The following LRRTM3 variants were observed in gnomAD, a reference collection of about 807,000 sequenced individuals.
LRRTM3 encodes leucine rich repeat transmembrane neuronal 3.
A neutral mutation model predicts 44.7 loss-of-function variants in LRRTM3; 24 were observed. The observed-to-expected ratio is 0.54, with a 90% CI of 0.39 to 0.76. The LOEUF (loss-of-function observed/expected upper bound fraction) is 0.76, where lower values mean the gene tolerates loss of function less well. Ranked by LOEUF, LRRTM3 falls within the 30% of genes least tolerant of loss-of-function variation. The probability of loss-of-function intolerance (pLI) is 0.00; values close to 1 mark genes in which losing one functional copy is unlikely to be tolerated. For missense variants in LRRTM3, 587 were observed against 702.2 expected, an observed-to-expected ratio of 0.84 and a Z score of 1.85; for synonymous variants, 277 against 278.7, an observed-to-expected ratio of 0.99 and a Z score of 0.06.
At chr10:66,996,649 C>CGAAAAAAAAAAAAA (rs71468809) in intron 2 of LRRTM3, among the ~76,000 whole-genome samples, 1 of 67,644 alleles carries the variant, frequency 1.5e-5, no homozygotes, top group Non-Finnish European at 2.5e-5. Context: ...TCCGTCTCTA[C>CGAAAAAAAAAAAAA]AAAAAAAAAA....
intron 2 of LRRTM3, among the ~76,000 whole-genome samples, chr10:66,956,583 T>C (rs1848803566): frequency 6.6e-6 from 1 of 152,164 alleles, no homozygotes; most frequent in South Asian, 2.1e-4. Flanking sequence ...TCCAGTGAAA[T>C]GTTCTCTGCA....
At chr10:67,058,848 A>G (rs1245816274) in intron 2 of LRRTM3, among the ~76,000 whole-genome samples, 1 of 152,184 alleles carries the variant, frequency 6.6e-6, no homozygotes, top group Non-Finnish European at 1.5e-5. Context: ...TTAGACACAT[A>G]TCAATTTCTA....
intron 2 of LRRTM3, among the ~76,000 whole-genome samples, chr10:66,945,445 G>C (rs1848226680): frequency 6.6e-6 from 1 of 152,104 alleles, no homozygotes; most frequent in South Asian, 2.1e-4. Context: ...GAATTGAAAG[G>C]ATCTAGGGCT....
Position 66,980,333 on chromosome 10 carries a change from C to T in LRRTM3, c.1536+51881C>T, listed in dbSNP as rs151246483. ...TTCTTTCAGCAGCCAAACACTAGGG[C>T]GAGGAAATGCTTACTGTCTGCTTGC... On this transcript the variant is annotated intron_variant, in intron 2 of 2. Transcript: ENST00000361320. Among the ~76,000 whole-genome samples, 12 of 152,202 alleles carry T rather than the reference C, an allele frequency of 7.9e-5. No homozygotes were observed. The East Asian group carries it at 1.9e-3, about 25-fold the overall frequency.
At chr10:67,009,267 T>C (rs1483874864) in intron 2 of LRRTM3, among the ~76,000 whole-genome samples, 3 of 152,126 alleles carry the variant, frequency 2.0e-5, no homozygotes, top group Admixed American at 2.0e-4. Flanking sequence ...CTTTTCCACA[T>C]CTTTCATCTT....
chr10:66,998,075 C>T (rs1293707909), intron 2 of LRRTM3, among the ~76,000 whole-genome samples: 4 of 152,180 alleles, frequency 2.6e-5, no homozygotes, highest in African/African-American at 9.6e-5. Context: ...TCTTCTACAA[C>T]AATTGTAATT....
intron 2 of LRRTM3, among the ~76,000 whole-genome samples, chr10:66,965,366 C>T (rs183555222): frequency 9.2e-5 from 14 of 151,890 alleles, no homozygotes; most frequent in African/African-American, 3.4e-4. Context: ...GAAACCCTGT[C>T]TCTACTAAAA....
chr10:66,931,323 A>G (rs139631764), intron 2 of LRRTM3, among the ~76,000 whole-genome samples: 59 of 152,190 alleles, frequency 3.9e-4, no homozygotes, highest in Non-Finnish European at 7.2e-4. Flanking sequence ...CATTTTTATT[A>G]ACCCCAGTAC....
chr10:67,059,870 T>G (rs1165196813), intron 2 of LRRTM3, among the ~76,000 whole-genome samples: 2 of 152,214 alleles, frequency 1.3e-5, no homozygotes, highest in African/African-American at 4.8e-5. Context: ...TTAAGTCATT[T>G]TGCAATGAAG....
chr10:66,953,784 ATTTT>A (rs533911839), intron 2 of LRRTM3, among the ~76,000 whole-genome samples: 2 of 152,098 alleles, frequency 1.3e-5, no homozygotes, highest in African/African-American at 4.8e-5. Context: ...TATAAGTTTT[ATTTT>A]TTTAAAAATT....
At chr10:67,060,715 A>G (rs1397924227) in intron 2 of LRRTM3, among the ~76,000 whole-genome samples, 1 of 152,110 alleles carries the variant, frequency 6.6e-6, no homozygotes, top group Non-Finnish European at 1.5e-5. Context: ...GAGTCTAGGC[A>G]TCATTCCAGA....
intron 2 of LRRTM3, among the ~76,000 whole-genome samples, chr10:66,949,870 T>C (rs911613595): frequency 5.9e-5 from 9 of 152,174 alleles, no homozygotes. Flanking sequence ...ATACTGTAAC[T>C]ATGAAATGGA....
intron 2 of LRRTM3, among the ~76,000 whole-genome samples, chr10:67,078,137 A>C (rs1342259122): frequency 1.3e-5 from 2 of 152,198 alleles, no homozygotes; most frequent in Non-Finnish European, 2.9e-5. Flanking sequence ...AATAACCTCT[A>C]ACAAAGGTAT....
chr10:67,036,546 A>C (rs1040251545), intron 2 of LRRTM3, among the ~76,000 whole-genome samples: 2 of 151,936 alleles, frequency 1.3e-5, no homozygotes, highest in Non-Finnish European at 2.9e-5. Context: ...TTTTTAAAAA[A>C]ATTTTTGGTA....
intron 2 of LRRTM3, among the ~76,000 whole-genome samples, chr10:67,034,411 C>A (rs1853916372): frequency 6.6e-6 from 1 of 152,164 alleles, no homozygotes; most frequent in South Asian, 2.1e-4. Flanking sequence ...AGCTGATATT[C>A]CTTCTTGCAA....
intron 2 of LRRTM3, among the ~76,000 whole-genome samples, chr10:66,942,236 C>T (rs954441514): frequency 2.0e-5 from 3 of 152,138 alleles, no homozygotes; most frequent in Non-Finnish European, 4.4e-5. Flanking sequence ...GAAATTCTCA[C>T]ATTAAACACA....
At chr10:66,956,806 T>G (rs1848813533) in intron 2 of LRRTM3, among the ~76,000 whole-genome samples, 1 of 152,208 alleles carries the variant, frequency 6.6e-6, no homozygotes, top group African/African-American at 2.4e-5. Flanking sequence ...ACTGATGCAG[T>G]GACAGGCTCA....
chr10:67,087,780 G>A (rs926790320), intron 2 of LRRTM3, among the ~76,000 whole-genome samples: 3 of 151,950 alleles, frequency 2.0e-5, no homozygotes, highest in African/African-American at 4.8e-5. Flanking sequence ...CCCAGTCACC[G>A]GGGGATGGAG....
intron 2 of LRRTM3, among the ~76,000 whole-genome samples, chr10:67,063,180 CCA>C (rs1270485955): frequency 6.6e-6 from 1 of 152,080 alleles, no homozygotes; most frequent in Non-Finnish European, 1.5e-5. Flanking sequence ...AAAACAGTTA[CCA>C]AGTATGGATG....
Sources: allele counts gnomAD v4.1 joint callset (sites outside exome capture counted in the v4.1 genomes callset), GRCh38; gene constraint gnomAD v4.1.1; transcripts MANE v1.5; gene names NCBI Gene and HGNC (gene_info 2026-07-23, HGNC 2026-07-21).